The following C8orf34 variants were observed in gnomAD, a reference collection of about 807,000 sequenced individuals.
C8orf34 encodes chromosome 8 open reading frame 34, also known as uncharacterized protein C8orf34.
A neutral mutation model predicts 68.3 loss-of-function variants in C8orf34; 65 were observed. That is an observed-to-expected ratio of 0.95 (90% CI 0.78 to 1.17). C8orf34 has a LOEUF of 1.17. C8orf34 is among the 50% of genes most tolerant of loss of function. The pLI, the probability that C8orf34 is intolerant of heterozygous loss-of-function variation, is 0.00. For missense variants in C8orf34, 664 were observed against 655.4 expected (o/e 1.01, Z -0.14); for synonymous variants, 244 against 241.2 (o/e 1.01, Z -0.11).
intron 1 of C8orf34, among the ~76,000 whole-genome samples, chr8:68,408,836 T>G (rs1809318519): frequency 6.6e-6 from 1 of 152,164 alleles, no homozygotes; most frequent in Admixed American, 6.5e-5. Flanking sequence ...TCACCCAGGC[T>G]AGAGTGCAGT....
chr8:68,772,627 T>A (rs1823373595), intron 10 of C8orf34, among the ~76,000 whole-genome samples: 5 of 152,206 alleles, frequency 3.3e-5, no homozygotes, highest in South Asian at 4.1e-4. Flanking sequence ...AAACTCACAA[T>A]AAGTGAAACC....
At chr8:68,488,797 G>T (rs1813186725) in intron 5 of C8orf34, among the ~76,000 whole-genome samples, 1 of 152,012 alleles carries the variant, frequency 6.6e-6, no homozygotes, top group African/African-American at 2.4e-5. Flanking sequence ...TTATGAGAGA[G>T]ATTTGATTTA....
intron 7 of C8orf34, among the ~76,000 whole-genome samples, chr8:68,544,647 A>G (rs532105791): frequency 1.6e-4 from 24 of 152,334 alleles, no homozygotes; most frequent in Admixed American, 1.4e-3. Flanking sequence ...GTATGCATTT[A>G]ATGGAAAAGA....
chr8:68,446,699 GA>G (rs1277620643), intron 3 of C8orf34: 2 of 481,066 alleles, frequency 4.2e-6, no homozygotes, highest in Admixed American at 3.9e-5. Context: ...AATATTCCTT[GA>G]AGAATATAAA....
At chr8:68,806,836 C>G (rs150686051) in intron 12 of C8orf34, among the ~76,000 whole-genome samples, 2 of 152,330 alleles carry the variant, frequency 1.3e-5, no homozygotes, top group East Asian at 3.9e-4. Context: ...ACAATACTCA[C>G]TCATTTAGTA....
In C8orf34 at chr8:68,345,529, A is replaced by G. The variant is rs890036744; in HGVS notation, c.327+14190A>G. On this transcript the variant is annotated intron_variant, in intron 1 of 13. Transcript: ENST00000518698. ...TGAATAACCAATTTATAGGCCTGACAGTTAACTATATAAGCTTAAAAATAC... is the reference window on the plus strand; with the variant it reads ...TGAATAACCAATTTATAGGCCTGACGGTTAACTATATAAGCTTAAAAATAC... 5.3e-5 allele frequency among the ~76,000 whole-genome samples: 8 copies of G among 152,158 alleles called. No homozygotes were observed. The East Asian group carries it at 1.5e-3, about 29-fold the overall frequency.
At chr8:68,558,878 C>A (rs536955942) in intron 7 of C8orf34, among the ~76,000 whole-genome samples, 1 of 151,884 alleles carries the variant, frequency 6.6e-6, no homozygotes, top group Admixed American at 6.6e-5. Context: ...AGAAAAAAAC[C>A]GAATACAAAT....
chr8:68,593,576 T>C (rs986940749), intron 7 of C8orf34, among the ~76,000 whole-genome samples: 3 of 152,014 alleles, frequency 2.0e-5, no homozygotes, highest in African/African-American at 7.2e-5. Flanking sequence ...TTAAAAAATG[T>C]TTTCACTGGT....
intron 9 of C8orf34, among the ~76,000 whole-genome samples, chr8:68,719,655 C>A (rs567428104): frequency 1.3e-5 from 2 of 151,848 alleles, no homozygotes; most frequent in East Asian, 3.9e-4. Context: ...AGAATGACAT[C>A]TATTAAAAAC....
chr8:68,496,510 A>G (rs1287448536), intron 5 of C8orf34, among the ~76,000 whole-genome samples: 1 of 152,186 alleles, frequency 6.6e-6, no homozygotes, highest in Non-Finnish European at 1.5e-5. Flanking sequence ...AAGCTCAAGG[A>G]GGGCCTATTT....
chr8:68,335,762 T>A (rs1317590684), intron 1 of C8orf34, among the ~76,000 whole-genome samples: 1 of 152,158 alleles, frequency 6.6e-6, no homozygotes. Flanking sequence ...TATACCAATA[T>A]GGCATCAATA....
intron 8 of C8orf34, among the ~76,000 whole-genome samples, chr8:68,702,600 C>A (rs942126530): frequency 6.6e-6 from 1 of 152,016 alleles, no homozygotes; most frequent in Non-Finnish European, 1.5e-5. Context: ...AGTGTGTGTG[C>A]TTTTCCATGA....
At chr8:68,335,739 A>G (rs1805820110) in intron 1 of C8orf34, among the ~76,000 whole-genome samples, 1 of 152,240 alleles carries the variant, frequency 6.6e-6, no homozygotes, top group African/African-American at 2.4e-5. Flanking sequence ...CCTTAGAAAT[A>G]GTAATATGTA....
At chr8:68,759,272 A>G (rs1822959421) in intron 10 of C8orf34, among the ~76,000 whole-genome samples, 1 of 152,248 alleles carries the variant, frequency 6.6e-6, no homozygotes, top group African/African-American at 2.4e-5. Flanking sequence ...ATTTAACTTT[A>G]AAGTTAAATT....
At chr8:68,442,782 A>G (rs553592777) in intron 2 of C8orf34, among the ~76,000 whole-genome samples, 11 of 152,206 alleles carry the variant, frequency 7.2e-5, no homozygotes, top group Non-Finnish European at 1.5e-5. Flanking sequence ...TGAGCAGGGC[A>G]AGGAAGTATG....
At chr8:68,608,033 A>AATAT (rs1251763609) in intron 7 of C8orf34, among the ~76,000 whole-genome samples, 2 of 148,566 alleles carry the variant, frequency 1.3e-5, no homozygotes, top group Non-Finnish European at 3.0e-5. Flanking sequence ...AGTAGGAAAC[A>AATAT]ATATAGTAGT....
At chr8:68,729,180 G>A (rs776119435) in intron 10 of C8orf34, among the ~76,000 whole-genome samples, 5 of 152,186 alleles carry the variant, frequency 3.3e-5, no homozygotes, top group Non-Finnish European at 7.3e-5. Context: ...GAAAGAATTA[G>A]ATAATTACTT....
intron 10 of C8orf34, among the ~76,000 whole-genome samples, chr8:68,757,864 C>T (rs1256524550): frequency 1.3e-5 from 2 of 152,148 alleles, no homozygotes; most frequent in Non-Finnish European, 2.9e-5. Flanking sequence ...TACAGTCTCT[C>T]TGAGCTTACT....
intron 8 of C8orf34, among the ~76,000 whole-genome samples, chr8:68,699,056 A>T (rs981565731): frequency 6.6e-6 from 1 of 151,960 alleles, no homozygotes; most frequent in Non-Finnish European, 1.5e-5. Context: ...CTGGAAACTT[A>T]CTAGAAACAC....
Sources: allele counts gnomAD v4.1 joint callset (sites outside exome capture counted in the v4.1 genomes callset), GRCh38; gene constraint gnomAD v4.1.1; transcripts MANE v1.5; gene names NCBI Gene and HGNC (gene_info 2026-07-23, HGNC 2026-07-21).